Variants in ADCY7 observed in about 807,000 individuals in gnomAD.
The protein encoded by ADCY7 is adenylate cyclase type 7.
Under a neutral mutation model 120.6 loss-of-function variants are expected in ADCY7, and 72 were observed. The ratio of observed to expected loss-of-function variants is 0.60; its 90% CI spans 0.49 to 0.73. The LOEUF (loss-of-function observed/expected upper bound fraction) is 0.73. Ranked by LOEUF, ADCY7 falls within the 30% of genes least tolerant of loss-of-function variation. The probability of loss-of-function intolerance (pLI) is 0.00; values close to 1 mark genes in which losing one functional copy is unlikely to be tolerated. For missense variants in ADCY7, 1,227 were observed against 1,486.0 expected, an observed-to-expected ratio of 0.83 and a Z score of 2.87; for synonymous variants, 661 against 628.0, an observed-to-expected ratio of 1.05 and a Z score of -0.78.
intron 1 of ADCY7, among the ~76,000 whole-genome samples, chr16:50,249,331 T>C (rs1411465790): frequency 6.6e-6 from 1 of 152,052 alleles, no homozygotes; most frequent in African/African-American, 2.4e-5. Context: ...TCCCAGCTAC[T>C]TGGGAGGCTG....
chr16:50,314,782 A>G, intron 24 of ADCY7: 1 of 536,154 alleles, frequency 1.9e-6, no homozygotes, highest in Non-Finnish European at 3.3e-6. Context: ...AGCAGATACA[A>G]GTGTTAACAT....
chr16:50,269,321 C>T (rs538713716), intron 1 of ADCY7, among the ~76,000 whole-genome samples: 1 of 152,336 alleles, frequency 6.6e-6, no homozygotes, highest in African/African-American at 2.4e-5. Flanking sequence ...GGCCAGCACA[C>T]TGTGTCTTTG....
intron 1 of ADCY7, among the ~76,000 whole-genome samples, chr16:50,268,432 ACT>A (rs1356767885): frequency 6.7e-6 from 1 of 149,736 alleles, no homozygotes; most frequent in Non-Finnish European, 1.5e-5. Context: ...ACAGGATCTC[ACT>A]CTGTCACCCA....
chr16:50,270,887 G>A (rs950286344), intron 1 of ADCY7, among the ~76,000 whole-genome samples: 1 of 152,210 alleles, frequency 6.6e-6, no homozygotes, highest in Admixed American at 6.5e-5. Flanking sequence ...CCCTCCAGCT[G>A]TGTGTGCCGG....
At chr16:50,260,135 A>G (rs2033021714) in intron 1 of ADCY7, among the ~76,000 whole-genome samples, 1 of 152,224 alleles carries the variant, frequency 6.6e-6, no homozygotes. Context: ...TAGGGTGAGC[A>G]GGAGGGGACG....
chr16:50,293,141 C>CG (rs1401396150), intron 5 of ADCY7, among the ~76,000 whole-genome samples: 1 of 152,144 alleles, frequency 6.6e-6, no homozygotes, highest in African/African-American at 2.4e-5. Context: ...CCCTGAGTCC[C>CG]GGGGGCTGCT....
At chr16:50,284,727 TG>T (rs1397175681) in intron 1 of ADCY7, among the ~76,000 whole-genome samples, 1 of 152,244 alleles carries the variant, frequency 6.6e-6, no homozygotes, top group Non-Finnish European at 1.5e-5. Context: ...TGAGGAGCCC[TG>T]GTTTGGGAGC....
At chr16:50,273,260 C>T (rs1165134284) in intron 1 of ADCY7, among the ~76,000 whole-genome samples, 1 of 152,226 alleles carries the variant, frequency 6.6e-6, no homozygotes. Flanking sequence ...GGTTCAGGAA[C>T]ATGCCCAAGG....
chr16:50,307,995 C>CAAAAAAAA (rs34191947), intron 15 of ADCY7, among the ~76,000 whole-genome samples: 4 of 64,918 alleles, frequency 6.2e-5, no homozygotes, highest in Admixed American at 1.7e-4. Flanking sequence ...GACTCCATCT[C>CAAAAAAAA]AAAAAAAAAA....
At chr16:50,315,252 C>T (rs1274901669) in intron 25 of ADCY7, 107 bp from the exon 26 acceptor site, 2 of 1,569,086 alleles carry the variant, frequency 1.3e-6, no homozygotes, top group African/African-American at 1.4e-5. Flanking sequence ...CTAGCTATCA[C>T]ACTCTCCAGG....
intron 1 of ADCY7, among the ~76,000 whole-genome samples, chr16:50,253,536 G>A (rs1241752942): frequency 6.6e-6 from 1 of 152,164 alleles, no homozygotes; most frequent in Non-Finnish European, 1.5e-5. Flanking sequence ...TTATAGGTGT[G>A]AGCCACCGCA....
intron 1 of ADCY7, among the ~76,000 whole-genome samples, chr16:50,273,629 C>T (rs143687823): frequency 2.7e-4 from 41 of 152,310 alleles, no homozygotes; most frequent in African/African-American, 5.8e-4. Context: ...TATGAGGTCA[C>T]GTCACTGCTA....
rs909479471 is a variant in ADCY7 at position 50,315,736 on chromosome 16, G to A, written c.*231G>A. 2.9e-5 allele frequency: 14 copies of A among 474,822 alleles called. No homozygotes were observed. The highest frequency in any genetic ancestry group is 1.0e-4 in the Admixed American group (3 of 29,456). 29.4% of individuals were successfully genotyped at this position (474,822 alleles called of 1,614,324 possible). A position where few individuals can be genotyped will look rare whatever the true frequency, so the allele number is the denominator to read the frequency against. On this transcript the variant is annotated 3_prime_UTR_variant, in exon 26 of 26. Coordinates refer to ENST00000673801, the MANE Select transcript of ADCY7 (RefSeq NM_001114.5). Reference sequence around the variant, plus strand: ...AGGCCAGAAGCTCTGTGCCTGGTCTGTAACAGTTTCCAGGCCAGCTGGAGA... The same window carrying A: ...AGGCCAGAAGCTCTGTGCCTGGTCTATAACAGTTTCCAGGCCAGCTGGAGA...
At chr16:50,290,363 C>A (rs938887190) in intron 2 of ADCY7, 94 bp from the exon 3 acceptor site, 2 of 1,374,556 alleles carry the variant, frequency 1.5e-6, no homozygotes, top group Non-Finnish European at 2.0e-6. Flanking sequence ...GTGGAGGAAG[C>A]TGTAAGTGAG....
intron 20 of ADCY7, 22 bp from the exon 21 acceptor site, chr16:50,312,014 C>T (rs771683841): frequency 6.2e-7 from 1 of 1,613,596 alleles, no homozygotes; most frequent in Non-Finnish European, 8.5e-7. Flanking sequence ...GGACGGGGCG[C>T]TTATGTTGCT....
At chr16:50,262,809 C>G (rs924864780), upstream of ADCY7, among the ~76,000 whole-genome samples, 4 of 152,206 alleles carry the variant, frequency 2.6e-5, no homozygotes, top group African/African-American at 9.7e-5. Context: ...GCCCTGGCGC[C>G]TCTACCAAGC....
At chr16:50,286,565 G>A (rs919282837) in intron 1 of ADCY7, among the ~76,000 whole-genome samples, 4 of 152,126 alleles carry the variant, frequency 2.6e-5, no homozygotes, top group African/African-American at 9.7e-5. Context: ...CTTCCCATTG[G>A]GGGCCTGATG....
chr16:50,296,912 C>A (rs1018551099), intron 7 of ADCY7, among the ~76,000 whole-genome samples: 1 of 152,234 alleles, frequency 6.6e-6, no homozygotes, highest in African/African-American at 2.4e-5. Context: ...GCCTGTCTAG[C>A]CTGGAACCTT....
Position 50,312,163 on chromosome 16 carries a change from C to T in ADCY7, c.2576C>T (p.Ala859Val). Residue 859 changes from alanine to valine, a missense_variant, in exon 21 of 26, where the codon GCC (alanine) becomes GTC (valine). This residue lies in a region of ADCY7 where 244 missense variants were observed against 332.8 expected (regional missense o/e 0.73). Transcript: ENST00000673801. ...AACGTCCTGCCAGCCCACGTGGCTG[C>T]CCACTTTATCGGTGACAAGTTAAAC... The part of the protein sequence containing the change: ...LENVLPAHVA[A>V]HFIGDKLNED... 6.2e-7 allele frequency: 1 copy of T among 1,614,178 alleles called. No individual in the cohort carries two copies. Among genetic ancestry groups the T allele is most frequent in the Non-Finnish European group, 8.5e-7 (1 of 1,180,040 alleles).
Sources: gnomAD v4.1 joint callset for allele counts (sites outside exome capture counted in the v4.1 genomes callset) on GRCh38, gnomAD v4.1.1 for gene constraint, gnomAD v4.1.1 regional missense constraint, MANE v1.5 for transcripts, NCBI Gene and HGNC (gene_info 2026-07-23, HGNC 2026-07-21) for gene names.